The following DENND6A variants were observed in gnomAD, a reference collection of about 807,000 sequenced individuals.
DENND6A encodes the protein DENN domain containing 6A.
In DENND6A, 43 loss-of-function variants were observed where a neutral mutation model predicts 95.5. That is an observed-to-expected ratio of 0.45 (90% CI 0.35 to 0.58). The LOEUF (loss-of-function observed/expected upper bound fraction) is 0.58, where lower values mean the gene tolerates loss of function less well. Ranked by LOEUF, DENND6A falls within the 20% of genes least tolerant of loss-of-function variation. The pLI is 0.00. For missense variants in DENND6A, 574 were observed against 736.0 expected (o/e 0.78, Z 2.55); for synonymous variants, 257 against 260.4 (o/e 0.99, Z 0.13).
rs1449266478 is a variant in DENND6A at position 57,662,252 on chromosome 3, G to A, written c.514-701C>T. ...GTCACCCAGGCTGCAGTGCAATGGT[G>A]TGATCATGGCTCACTGCTGCCTCAA... On this transcript the variant is annotated intron_variant, in intron 5 of 19. Transcript: ENST00000311128. Among the ~76,000 whole-genome samples the A allele has an allele frequency of 5.3e-5, 7 of 131,522 alleles. No individual in the cohort carries two copies. The East Asian group carries it at 1.7e-3, about 32-fold the overall frequency. The allele number at this position is 131,522 out of a possible 152,430, so 86.3% of individuals were successfully genotyped here.
chr3:57,691,156 C>T (rs1229068544), intron 1 of DENND6A, among the ~76,000 whole-genome samples: 1 of 152,166 alleles, frequency 6.6e-6, no homozygotes, highest in Non-Finnish European at 1.5e-5. Context: ...TATTTAAAAA[C>T]ACAATCAACT....
intron 3 of DENND6A, among the ~76,000 whole-genome samples, chr3:57,667,486 CAT>C: frequency 6.6e-6 from 1 of 152,146 alleles, no homozygotes; most frequent in African/African-American, 2.4e-5. Flanking sequence ...TTTGTACAAA[CAT>C]AGCTACAGAG....
chr3:57,654,536 C>A lies in DENND6A; in HGVS notation c.818+3144G>T, dbSNP rs938320687. ...TGGCAGGAGGTGATAACTGATGTGT[C>A]TCTCATTGTACTAGGAACAAATAGC... On this transcript the variant is annotated intron_variant, in intron 9 of 19. Coordinates refer to ENST00000311128, the MANE Select transcript of DENND6A (RefSeq NM_152678.3). 76 of 762,466 alleles carry A rather than the reference C, an allele frequency of 1.0e-4. No individual in the cohort carries two copies. The African/African-American group carries it at 1.4e-3, about 14-fold the overall frequency. The allele number at this position is 762,466 out of a possible 1,614,324, so 47.2% of individuals were successfully genotyped here.
At chr3:57,636,071 GTTAA>G (rs1329901378) in intron 12 of DENND6A, among the ~76,000 whole-genome samples, 1 of 152,158 alleles carries the variant, frequency 6.6e-6, no homozygotes, top group Admixed American at 6.5e-5. Context: ...CAAAATGTGT[GTTAA>G]TTGACTGTTT....
intron 9 of DENND6A, among the ~76,000 whole-genome samples, chr3:57,656,976 A>G (rs1372611400): frequency 6.6e-6 from 1 of 152,098 alleles, no homozygotes; most frequent in Non-Finnish European, 1.5e-5. Context: ...AAGAAAAAAG[A>G]TCCCACCAAA....
intron 18 of DENND6A, 48 bp downstream of exon 18, chr3:57,630,373 T>G (rs1415796577): frequency 6.7e-7 from 1 of 1,482,118 alleles, no homozygotes; most frequent in African/African-American, 1.4e-5. Context: ...ATAATTATCT[T>G]TATTTTCAAC....
intron 5 of DENND6A, 44 bp downstream of exon 5, chr3:57,663,592 A>T: frequency 2.1e-6 from 3 of 1,403,934 alleles, no homozygotes; most frequent in Non-Finnish European, 2.9e-6. Flanking sequence ...TTTTCTAATC[A>T]CAAAATAAAA....
At chr3:57,686,582 A>G (rs2077213337) in intron 1 of DENND6A, among the ~76,000 whole-genome samples, 1 of 152,110 alleles carries the variant, frequency 6.6e-6, no homozygotes, top group Admixed American at 6.6e-5. Context: ...TCTGTGTTAC[A>G]CTTTGGTAAT....
At position 57,633,283 on chromosome 3, in the gene DENND6A, TTG is replaced by T. The variant is rs760900993; in HGVS notation, c.1333_1334del (p.Gln445LysfsTer42). 1.2e-6 allele frequency: 2 copies of T among 1,613,418 alleles called. No individual in the cohort carries two copies. Among genetic ancestry groups the T allele is most frequent in the African/African-American group, 2.7e-5 (2 of 74,908 alleles). On this transcript the variant is annotated frameshift_variant, in exon 15 of 20. Transcript: ENST00000311128. LOFTEE classifies it high-confidence loss of function. ...AACTTACTAATGGAATGATGAAACT[TTG>T]TGTCAGTTCCAAAAAATAGCGTCGA... ...ILRRYFLELTQSFIIPLERYV... is the reference protein window; with the variant it reads ...ILRRYFLELTXSFIIPLERYV...
At chr3:57,654,717 G>A (rs575175016) in intron 9 of DENND6A, 1 of 984,642 alleles carries the variant, frequency 1.0e-6, no homozygotes, top group African/African-American at 1.7e-5. Flanking sequence ...GTGGTCCATG[G>A]AATAGACCTT....
intron 9 of DENND6A, among the ~76,000 whole-genome samples, chr3:57,651,942 C>T (rs2071218277): frequency 6.6e-6 from 1 of 152,110 alleles, no homozygotes; most frequent in Admixed American, 6.5e-5. Flanking sequence ...TGCATGGTGG[C>T]TCACTCCTGT....
chr3:57,646,456 G>A lies in DENND6A; in HGVS notation c.819-18C>T. 1.3e-6 allele frequency: 2 copies of A among 1,589,064 alleles called. No individual in the cohort carries two copies. Among genetic ancestry groups the A allele is most frequent in the Non-Finnish European group, 1.7e-6 (2 of 1,170,564 alleles). ...AGAAACACCTGAAAGGTGATGCACAGTAGAAATACTTTTTAATGTAGCCAA... is the reference window on the plus strand; with the variant it reads ...AGAAACACCTGAAAGGTGATGCACAATAGAAATACTTTTTAATGTAGCCAA... On this transcript the variant is annotated intron_variant, in intron 9 of 19. Coordinates refer to ENST00000311128, the MANE Select transcript of DENND6A (RefSeq NM_152678.3).
chr3:57,636,456 C>T (rs753500000), intron 12 of DENND6A, among the ~76,000 whole-genome samples: 8 of 152,038 alleles, frequency 5.3e-5, no homozygotes, highest in African/African-American at 9.7e-5. Flanking sequence ...GCTAATTACC[C>T]GTATCAATGA....
intron 12 of DENND6A, among the ~76,000 whole-genome samples, chr3:57,636,259 T>C (rs2070789323): frequency 6.6e-6 from 1 of 152,192 alleles, no homozygotes. Flanking sequence ...TAATACAGTC[T>C]ATAAAGGAAA....
In DENND6A at chr3:57,626,130, A is replaced by C. The variant is rs2070522525; in HGVS notation, c.*2084T>G. 6.6e-6 allele frequency: 1 copy of C among 152,592 alleles called. No homozygotes were observed. The highest frequency in any genetic ancestry group is 2.1e-4 in the South Asian group (1 of 4,834). 9.5% of individuals were successfully genotyped at this position (152,592 alleles called of 1,614,324 possible). On this transcript the variant is annotated 3_prime_UTR_variant, in exon 20 of 20. Transcript: ENST00000311128. ...TTCACAAAATAACTCATATGATCCA[A>C]GGCAAACGATTTCTTTCAAATGCCA...
chr3:57,652,825 A>C (rs951824158), intron 9 of DENND6A, among the ~76,000 whole-genome samples: 9 of 151,912 alleles, frequency 5.9e-5, no homozygotes, highest in African/African-American at 2.2e-4. Flanking sequence ...CTGCAAAATA[A>C]CTGTCCTGTA....
intron 1 of DENND6A, among the ~76,000 whole-genome samples, chr3:57,690,199 C>CA (rs1482291420): frequency 1.3e-4 from 20 of 150,444 alleles, no homozygotes; most frequent in Non-Finnish European, 1.5e-4. Context: ...AACAAAAAAA[C>CA]AAAAAAAACA....
At chr3:57,672,051 T>C (rs1273184832) in intron 3 of DENND6A, among the ~76,000 whole-genome samples, 1 of 152,214 alleles carries the variant, frequency 6.6e-6, no homozygotes, top group Non-Finnish European at 1.5e-5. Flanking sequence ...CTTGATGGTT[T>C]ACCTCATCAC....
chr3:57,634,592 T>C lies in DENND6A; in HGVS notation c.1229A>G (p.Asn410Ser). 1 of 1,461,560 alleles carries C rather than the reference T, an allele frequency of 6.8e-7. No individual in the cohort carries two copies. Among genetic ancestry groups the C allele is most frequent in the Non-Finnish European group, 9.2e-7 (1 of 1,091,272 alleles). 90.5% of individuals were successfully genotyped at this position (1,461,560 alleles called of 1,614,324 possible). A position where few individuals can be genotyped will look rare whatever the true frequency, so the allele number is the denominator to read the frequency against. The change falls in exon 14 of 20, where the codon AAT (asparagine) becomes AGT (serine). Residue 410 changes from asparagine (N) to serine (S), a missense_variant. Asn to Ser is a conservative substitution (Grantham distance 46, BLOSUM62 1). Coordinates refer to ENST00000311128, the MANE Select transcript of DENND6A (RefSeq NM_152678.3). ...TTGTTTTATGATCTCTTCATCTCTA[T>C]TTAAATATGGCTTATATGAAGTATA... ...GVYTSYKPYL[N>S]RDEEIIKQLQ...
Sources: allele counts gnomAD v4.1 joint callset (sites outside exome capture counted in the v4.1 genomes callset), GRCh38; gene constraint gnomAD v4.1.1; transcripts MANE v1.5; gene names NCBI Gene and HGNC (gene_info 2026-07-23, HGNC 2026-07-21).